WNK1: variants seen among roughly 807,000 people sequenced by gnomAD.
WNK1 encodes serine/threonine-protein kinase WNK1.
In WNK1, 38 loss-of-function variants were observed where a neutral mutation model predicts 222.8. That is an observed-to-expected ratio of 0.17 (90% CI 0.13 to 0.22). WNK1 has a LOEUF of 0.22. Ranked by LOEUF, WNK1 falls within the 10% of genes least tolerant of loss-of-function variation. The pLI, the probability that WNK1 is intolerant of heterozygous loss-of-function variation, is 1.00. For synonymous variants in WNK1, 1,090 were observed against 1,092.9 expected, an observed-to-expected ratio of 1.00 and a Z score of 0.05; for missense variants, 2,348 against 2,918.4, an observed-to-expected ratio of 0.80 and a Z score of 4.50.
chr12:904,758 C>T (rs903039573), intron 26 of WNK1, among the ~76,000 whole-genome samples: 3 of 152,156 alleles, frequency 2.0e-5, no homozygotes, highest in Non-Finnish European at 2.9e-5. Context: ...ATGCCTAGTT[C>T]CTATGGGAGA....
At chr12:804,936 ATAT>A (rs1174502011) in intron 1 of WNK1, among the ~76,000 whole-genome samples, 3 of 42,514 alleles carry the variant, frequency 7.1e-5, no homozygotes, top group African/African-American at 1.3e-4. Flanking sequence ...TATTTTATAA[ATAT>A]TATATATATA....
intron 26 of WNK1, among the ~76,000 whole-genome samples, chr12:905,723 A>C (rs1276302955): frequency 6.6e-6 from 1 of 151,322 alleles, no homozygotes; most frequent in African/African-American, 2.4e-5. Flanking sequence ...CCACTTCACC[A>C]CTCTCTCACA....
intron 1 of WNK1, among the ~76,000 whole-genome samples, chr12:804,450 G>T (rs1380349560): frequency 1.8e-5 from 2 of 113,666 alleles, no homozygotes; most frequent in South Asian, 3.0e-4. Context: ...TCAGCTCACT[G>T]CAACCTATGC....
chr12:829,986 C>T lies in WNK1; in HGVS notation c.1154-17C>T, dbSNP rs2154027917. 4.3e-6 allele frequency: 7 copies of T among 1,613,874 alleles called. No homozygotes were observed. Among genetic ancestry groups the T allele is most frequent in the East Asian group, 2.2e-5 (1 of 44,876 alleles). ...GCTTCTGCTCGCATTGAGTCTGAAT[C>T]GTTCTTTTAATTTAAGGTACCCCAG... On this transcript the variant is annotated splice_polypyrimidine_tract_variant and intron_variant, in intron 3 of 27. Transcript: ENST00000315939.
At chr12:825,889 T>C (rs1213368808) in intron 2 of WNK1, among the ~76,000 whole-genome samples, 1 of 152,244 alleles carries the variant, frequency 6.6e-6, no homozygotes, top group Admixed American at 6.5e-5. Context: ...GCTCTTTTTT[T>C]CCTGAATATT....
At chr12:849,375 A>G (rs1350032122) in intron 4 of WNK1, among the ~76,000 whole-genome samples, 2 of 152,214 alleles carry the variant, frequency 1.3e-5, no homozygotes, top group African/African-American at 2.4e-5. Context: ...ACAACAAAGC[A>G]ATGAGCAATG....
intron 1 of WNK1, among the ~76,000 whole-genome samples, chr12:784,480 A>G (rs1468228423): frequency 6.6e-6 from 1 of 152,180 alleles, no homozygotes; most frequent in Non-Finnish European, 1.5e-5. Flanking sequence ...TTAGCATTTA[A>G]TATGAATATT....
At chr12:811,787 T>C (rs1402048101) in intron 1 of WNK1, among the ~76,000 whole-genome samples, 2 of 152,178 alleles carry the variant, frequency 1.3e-5, no homozygotes, top group Non-Finnish European at 2.9e-5. Context: ...TGTTTAGGTT[T>C]CCCCCATTTC....
chr12:893,640 G>A (rs1375190607), intron 22 of WNK1, among the ~76,000 whole-genome samples: 1 of 151,604 alleles, frequency 6.6e-6, no homozygotes, highest in Non-Finnish European at 1.5e-5. Flanking sequence ...TGACTAAGAC[G>A]GTGAAACCCC....
At chr12:835,119 G>C (rs974205285) in intron 4 of WNK1, among the ~76,000 whole-genome samples, 3 of 152,192 alleles carry the variant, frequency 2.0e-5, no homozygotes, top group African/African-American at 4.8e-5. Context: ...AGGAGTTCAA[G>C]ACTAGCCTGG....
intron 1 of WNK1, among the ~76,000 whole-genome samples, chr12:766,198 A>G (rs961702973): frequency 6.6e-6 from 1 of 152,228 alleles, no homozygotes; most frequent in African/African-American, 2.4e-5. Context: ...CCTCACCATT[A>G]TGCAGTATAT....
At chr12:878,713 A>G (rs1952846126) in intron 10 of WNK1, among the ~76,000 whole-genome samples, 1 of 151,524 alleles carries the variant, frequency 6.6e-6, no homozygotes, top group Admixed American at 6.6e-5. Context: ...TGTGTCAGCT[A>G]TGTCTGATAT....
chr12:875,812 G>A (rs1952558744), intron 9 of WNK1, among the ~76,000 whole-genome samples: 1 of 152,220 alleles, frequency 6.6e-6, no homozygotes, highest in African/African-American at 2.4e-5. Flanking sequence ...GTTTGGGGGA[G>A]AGGGAGCAGT....
In WNK1 at chr12:896,886, CCACACACACACACACACA is replaced by C. The variant is rs34202153; in HGVS notation, c.6245+190_6245+207del. Among the ~76,000 whole-genome samples, 1,215 of 134,614 alleles carry C rather than the reference CCACACACACACACACACA, an allele frequency of 9.0e-3. 18 individuals carry two copies. Among genetic ancestry groups the C allele is most frequent in the South Asian group, 0.03 (111 of 3,674 alleles). 88.3% of individuals were successfully genotyped at this position (134,614 alleles called of 152,430 possible). A position where few individuals can be genotyped will look rare whatever the true frequency, so the allele number is the denominator to read the frequency against. ...AGAAGCCCCACCCCATACCTCCCCA[CCACACACACACACACACA>C]CACACACACACACACACACACACAC... On this transcript the variant is annotated intron_variant, in intron 24 of 27. Transcript: ENST00000315939.
intron 1 of WNK1, among the ~76,000 whole-genome samples, chr12:769,560 C>A (rs1369426291): frequency 6.6e-6 from 1 of 152,136 alleles, no homozygotes; most frequent in East Asian, 1.9e-4. Flanking sequence ...TCCTTACTTT[C>A]TGTAGAAGAT....
In WNK1 at chr12:859,339, G is replaced by A; in HGVS notation, c.1495G>A (p.Ala499Thr). Residue 499 changes from alanine to threonine, a missense_variant, in exon 6 of 28, where the codon GCC becomes ACC. Ala to Thr is a moderately conservative substitution (Grantham distance 58). This residue lies in a region of WNK1 where 37 missense variants were observed against 102.8 expected (regional missense o/e 0.36). Coordinates refer to ENST00000315939, the MANE Select transcript of WNK1 (RefSeq NM_018979.4). Reference protein sequence around the residue: ...LAEEDDGEKIAIKLWLRIEDI... With the variant: ...LAEEDDGEKITIKLWLRIEDI... ...AGAAGAAGATGATGGAGAAAAAATA[G>A]CCATAAAATTATGGCTACGTATTGA... The A allele has an allele frequency of 2.1e-5, 34 of 1,613,220 alleles. No homozygotes were observed. Among genetic ancestry groups the A allele is most frequent in the Non-Finnish European group, 2.8e-5 (33 of 1,179,362 alleles).
intron 1 of WNK1, among the ~76,000 whole-genome samples, chr12:760,458 G>C (rs1940857165): frequency 6.8e-6 from 1 of 147,468 alleles, no homozygotes; most frequent in African/African-American, 2.4e-5. Context: ...ATGTCTTACT[G>C]ATTTAGGATT....
chr12:897,708 A>G, intron 25 of WNK1, 27 bp downstream of exon 25: 1 of 1,602,144 alleles, frequency 6.2e-7, no homozygotes, highest in South Asian at 1.1e-5. Flanking sequence ...TAGGTCAGCC[A>G]CAGCTGTCCT....
At chr12:826,986 C>T (rs1591883631) in intron 2 of WNK1, 56 bp from the exon 3 acceptor site, 1 of 1,447,638 alleles carries the variant, frequency 6.9e-7, no homozygotes, top group East Asian at 2.3e-5. Context: ...TGGAATTCTT[C>T]AAAGCAACAA....
Sources: gnomAD v4.1 joint callset for allele counts (sites outside exome capture counted in the v4.1 genomes callset) on GRCh38, gnomAD v4.1.1 for gene constraint, gnomAD v4.1.1 regional missense constraint, MANE v1.5 for transcripts, NCBI Gene and HGNC (gene_info 2026-07-23, HGNC 2026-07-21) for gene names.